TMEM232: variants seen among roughly 807,000 people sequenced by gnomAD.
TMEM232 encodes transmembrane protein 232.
A neutral mutation model predicts 78.8 loss-of-function variants in TMEM232; 80 were observed. That is an observed-to-expected ratio of 1.01 (90% CI 0.85 to 1.22). TMEM232 has a LOEUF of 1.22. TMEM232 is among the 50% of genes most tolerant of loss of function. The pLI is 0.00. For synonymous variants in TMEM232, 297 were observed against 254.3 expected (o/e 1.17, Z -1.60); for missense variants, 881 against 742.2 (o/e 1.19, Z -2.17).
At chr5:110,468,355 G>C (rs547433709) in intron 12 of TMEM232, among the ~76,000 whole-genome samples, 1 of 151,654 alleles carries the variant, frequency 6.6e-6, no homozygotes, top group Non-Finnish European at 1.5e-5. Context: ...TTGATTAAAC[G>C]CTTAAAAACA....
At chr5:110,630,321 C>T (rs1300356418) in intron 5 of TMEM232, among the ~76,000 whole-genome samples, 1 of 152,150 alleles carries the variant, frequency 6.6e-6, no homozygotes, top group Non-Finnish European at 1.5e-5. Context: ...AATAATCATG[C>T]CTCAGATGGA....
At chr5:110,416,687 A>T (rs1756227302), downstream of TMEM232, among the ~76,000 whole-genome samples, 1 of 152,190 alleles carries the variant, frequency 6.6e-6, no homozygotes, top group Non-Finnish European at 1.5e-5. Flanking sequence ...GTTACAGAGA[A>T]GGTTTTTACT....
chr5:110,688,459 A>G (rs1793698025), intron 1 of TMEM232, among the ~76,000 whole-genome samples: 1 of 152,198 alleles, frequency 6.6e-6, no homozygotes, highest in African/African-American at 2.4e-5. Context: ...TCATTCAGAT[A>G]CATTTCCTCT....
At chr5:110,450,087 C>T (rs1561509838) in intron 12 of TMEM232, among the ~76,000 whole-genome samples, 3 of 152,080 alleles carry the variant, frequency 2.0e-5, no homozygotes, top group Non-Finnish European at 4.4e-5. Context: ...TTCCCTCTTT[C>T]CTCTCTGTCT....
intron 2 of TMEM232, among the ~76,000 whole-genome samples, chr5:110,648,909 T>G (rs1207506355): frequency 6.6e-6 from 1 of 152,086 alleles, no homozygotes; most frequent in Admixed American, 6.6e-5. Context: ...TTGGAGTAGC[T>G]ACAGAAGACT....
intron 11 of TMEM232, among the ~76,000 whole-genome samples, chr5:110,535,248 T>C (rs1250868732): frequency 6.6e-6 from 1 of 152,124 alleles, no homozygotes; most frequent in Non-Finnish European, 1.5e-5. Context: ...TGTTCCTGCC[T>C]TAACTGATGA....
chr5:110,398,364 A>G (rs915551345), intron 2 of TMEM232, among the ~76,000 whole-genome samples: 4 of 152,152 alleles, frequency 2.6e-5, no homozygotes, highest in African/African-American at 9.7e-5. Flanking sequence ...ATAAAGGACA[A>G]TGGCTCCTAA....
chr5:110,524,582 G>C (rs563718974), intron 12 of TMEM232, among the ~76,000 whole-genome samples: 7 of 152,284 alleles, frequency 4.6e-5, no homozygotes, highest in Admixed American at 2.6e-4. Context: ...CTATGCTGGA[G>C]AAAGTTCTGT....
intron 8 of TMEM232, among the ~76,000 whole-genome samples, chr5:110,608,716 C>T (rs957132125): frequency 6.6e-6 from 1 of 151,910 alleles, no homozygotes; most frequent in Non-Finnish European, 1.5e-5. Flanking sequence ...ATGCTTTCGT[C>T]AAAAACAGAA....
chr5:110,395,897 C>G (rs114382192), intron 3 of TMEM232, among the ~76,000 whole-genome samples: 5 of 151,962 alleles, frequency 3.3e-5, no homozygotes, highest in African/African-American at 1.2e-4. Context: ...TGAGAGATCT[C>G]GAACTGATGC....
At chr5:110,696,180 T>C (rs1327728048) in intron 1 of TMEM232, among the ~76,000 whole-genome samples, 2 of 152,176 alleles carry the variant, frequency 1.3e-5, no homozygotes, top group Non-Finnish European at 2.9e-5. Context: ...ATCCAGCATA[T>C]AAAGAGAACC....
At chr5:110,683,575 T>C (rs943514371) in intron 1 of TMEM232, among the ~76,000 whole-genome samples, 1 of 151,980 alleles carries the variant, frequency 6.6e-6, no homozygotes, top group Non-Finnish European at 1.5e-5. Flanking sequence ...ATTTTTATCA[T>C]TATCTATTTT....
intron 11 of TMEM232, among the ~76,000 whole-genome samples, chr5:110,565,033 A>T (rs901224773): frequency 6.6e-6 from 1 of 151,956 alleles, no homozygotes; most frequent in Non-Finnish European, 1.5e-5. Context: ...GGTTTACTTC[A>T]TAGCTTACTT....
intron 1 of TMEM232, among the ~76,000 whole-genome samples, chr5:110,682,332 T>C (rs1035676504): frequency 2.0e-5 from 3 of 152,094 alleles, no homozygotes; most frequent in African/African-American, 7.2e-5. Context: ...AATGATTGAA[T>C]TGCTCTCCCT....
intron 12 of TMEM232, among the ~76,000 whole-genome samples, chr5:110,526,354 C>T (rs1328198148): frequency 2.0e-5 from 3 of 150,604 alleles, no homozygotes; most frequent in Non-Finnish European, 4.4e-5. Context: ...ATATATAGTC[C>T]CAGGTTTTTG....
chr5:110,487,795 A>G (rs1764634117), intron 12 of TMEM232, among the ~76,000 whole-genome samples: 1 of 151,930 alleles, frequency 6.6e-6, no homozygotes, highest in Non-Finnish European at 1.5e-5. Flanking sequence ...TGGTTTTGGT[A>G]TTAGGGTGAT....
chr5:110,433,371 G>A (rs973742470), intron 12 of TMEM232, among the ~76,000 whole-genome samples: 1 of 151,762 alleles, frequency 6.6e-6, no homozygotes, highest in African/African-American at 2.4e-5. Context: ...ACTTGCTCCT[G>A]AAGAACATTT....
chr5:110,655,498 C>T (rs1426327805), intron 2 of TMEM232, among the ~76,000 whole-genome samples: 3 of 139,590 alleles, frequency 2.1e-5, no homozygotes, highest in South Asian at 2.5e-4. Context: ...GTCAGTGTGG[C>T]GATTCCTCAG....
At chr5:110,418,147 A>G (rs547897611), downstream of TMEM232, 90 of 152,264 alleles carry the variant, frequency 5.9e-4, 1 homozygote, top group African/African-American at 2.1e-3. Flanking sequence ...TGTTATTTCT[A>G]TGTTCCCTTT....
Sources: allele counts gnomAD v4.1 joint callset (sites outside exome capture counted in the v4.1 genomes callset), GRCh38; gene constraint gnomAD v4.1.1; transcripts MANE v1.5; gene names NCBI Gene and HGNC (gene_info 2026-07-23, HGNC 2026-07-21).